The following NDST3 variants were observed in gnomAD, a reference collection of about 807,000 sequenced individuals.
NDST3 encodes the protein bifunctional heparan sulfate N-deacetylase/N-sulfotransferase 3.
Under a neutral mutation model 96.1 loss-of-function variants are expected in NDST3, and 58 were observed. The ratio of observed to expected loss-of-function variants is 0.60; its 90% confidence interval spans 0.49 to 0.75. NDST3 has a LOEUF of 0.75. Ranked by LOEUF, NDST3 falls within the 30% of genes least tolerant of loss-of-function variation. The pLI is 0.00. For synonymous variants in NDST3, 333 were observed against 359.7 expected (o/e 0.93, Z 0.84); for missense variants, 788 against 1,034.2 (o/e 0.76, Z 3.27).
At chr4:118,166,710 G>T (rs532204285) in intron 6 of NDST3, among the ~76,000 whole-genome samples, 1 of 152,032 alleles carries the variant, frequency 6.6e-6, no homozygotes, top group Non-Finnish European at 1.5e-5. Flanking sequence ...TGACTAAGTG[G>T]CATTGATTCT....
intron 6 of NDST3, among the ~76,000 whole-genome samples, chr4:118,198,837 G>A (rs1205714404): frequency 6.6e-6 from 1 of 151,582 alleles, no homozygotes; most frequent in African/African-American, 2.4e-5. Flanking sequence ...TACTATTCTA[G>A]CATAAAAGTT....
intron 2 of NDST3, among the ~76,000 whole-genome samples, chr4:118,090,384 T>C (rs1408697804): frequency 6.6e-6 from 1 of 152,014 alleles, no homozygotes; most frequent in Non-Finnish European, 1.5e-5. Flanking sequence ...CATTCTAAAC[T>C]GGAATGGATT....
chr4:118,041,894 G>T (rs1724488389), intron 1 of NDST3, among the ~76,000 whole-genome samples: 1 of 152,092 alleles, frequency 6.6e-6, no homozygotes, highest in African/African-American at 2.4e-5. Flanking sequence ...AAGGAAGACA[G>T]ACATTAGACA....
At chr4:118,193,323 T>C in intron 6 of NDST3, 1 of 408,100 alleles carries the variant, frequency 2.5e-6, no homozygotes, top group South Asian at 4.0e-5. Flanking sequence ...CACTCAAAAT[T>C]CTTCAGTTTT....
At chr4:118,184,961 A>G (rs1736845724) in intron 6 of NDST3, among the ~76,000 whole-genome samples, 1 of 152,174 alleles carries the variant, frequency 6.6e-6, no homozygotes. Context: ...AAATAAATTG[A>G]GGCACAAATG....
At chr4:118,163,139 C>T (rs945367156) in intron 6 of NDST3, among the ~76,000 whole-genome samples, 3 of 152,190 alleles carry the variant, frequency 2.0e-5, no homozygotes, top group Non-Finnish European at 2.9e-5. Context: ...TGGAACACTT[C>T]TACACTGTTG....
chr4:118,194,264 G>A, intron 6 of NDST3: 1 of 725,514 alleles, frequency 1.4e-6, no homozygotes, highest in Non-Finnish European at 2.6e-6. Flanking sequence ...ACCCTCATTG[G>A]GCCTGGGATA....
intron 3 of NDST3, among the ~76,000 whole-genome samples, chr4:118,106,480 G>GGA (rs1233269984): frequency 7.9e-5 from 12 of 151,940 alleles, no homozygotes; most frequent in Admixed American, 4.6e-4. Context: ...TGAGTAGCTG[G>GGA]GACTACAGGC....
intron 6 of NDST3, among the ~76,000 whole-genome samples, chr4:118,187,561 G>T (rs1032276959): frequency 6.6e-6 from 1 of 152,120 alleles, no homozygotes; most frequent in Admixed American, 6.6e-5. Context: ...AAGGCATAAG[G>T]TTGTCCATGT....
intron 3 of NDST3, among the ~76,000 whole-genome samples, chr4:118,107,192 T>A (rs1194525664): frequency 6.6e-6 from 1 of 152,180 alleles, no homozygotes; most frequent in African/African-American, 2.4e-5. Context: ...ATTATTATCA[T>A]AAATTATATG....
chr4:118,042,909 T>C (rs913583910), intron 1 of NDST3, among the ~76,000 whole-genome samples: 1 of 152,222 alleles, frequency 6.6e-6, no homozygotes, highest in African/African-American at 2.4e-5. Flanking sequence ...CTGAAACCTG[T>C]AACAGATAGT....
chr4:118,060,045 A>T (rs774465161), intron 2 of NDST3, among the ~76,000 whole-genome samples: 33 of 152,120 alleles, frequency 2.2e-4, no homozygotes, highest in Non-Finnish European at 4.1e-4. Flanking sequence ...TGATAGGAAC[A>T]TATATTATCT....
intron 6 of NDST3, among the ~76,000 whole-genome samples, chr4:118,218,452 T>C (rs1011545337): frequency 1.3e-5 from 2 of 152,172 alleles, no homozygotes; most frequent in African/African-American, 4.8e-5. Flanking sequence ...CACATGATTA[T>C]CTCAATAGAT....
intron 6 of NDST3, among the ~76,000 whole-genome samples, chr4:118,161,763 G>C (rs1735159919): frequency 6.6e-6 from 1 of 152,108 alleles, no homozygotes; most frequent in Admixed American, 6.5e-5. Flanking sequence ...TGATTTTCCA[G>C]GTGCCATCTG....
At chr4:118,197,471 T>C (rs2125974669) in intron 6 of NDST3, among the ~76,000 whole-genome samples, 1 of 151,924 alleles carries the variant, frequency 6.6e-6, no homozygotes, top group South Asian at 2.1e-4. Flanking sequence ...TAATATTTTC[T>C]TTATACATCT....
At chr4:118,135,158 A>C (rs1355208517) in intron 4 of NDST3, among the ~76,000 whole-genome samples, 1 of 152,176 alleles carries the variant, frequency 6.6e-6, no homozygotes. Context: ...GCCTTCTTCT[A>C]AAATGAATTT....
chr4:118,233,582 A>G (rs1351160663), intron 9 of NDST3, among the ~76,000 whole-genome samples: 1 of 152,190 alleles, frequency 6.6e-6, no homozygotes, highest in Non-Finnish European at 1.5e-5. Context: ...AAATGTTTGT[A>G]TATTACATGA....
At chr4:118,250,354 T>G (rs1741611155) in intron 12 of NDST3, among the ~76,000 whole-genome samples, 1 of 152,256 alleles carries the variant, frequency 6.6e-6, no homozygotes, top group South Asian at 2.1e-4. Context: ...AAATCAGTCA[T>G]TCTACTGAGT....
At chr4:118,121,653 A>G (rs1731582185) in intron 4 of NDST3, among the ~76,000 whole-genome samples, 2 of 150,088 alleles carry the variant, frequency 1.3e-5, no homozygotes, top group Non-Finnish European at 3.0e-5. Flanking sequence ...CATAGATTCA[A>G]TAAGTTTTTA....
Sources: gnomAD v4.1 joint callset for allele counts (sites outside exome capture counted in the v4.1 genomes callset) on GRCh38, gnomAD v4.1.1 for gene constraint, MANE v1.5 for transcripts, NCBI Gene and HGNC (gene_info 2026-07-23, HGNC 2026-07-21) for gene names.